Variants in MAP4K3 observed in about 807,000 individuals in gnomAD.
The protein encoded by MAP4K3 is MAPK/ERK kinase kinase kinase 3.
In MAP4K3, 94 loss-of-function variants were observed where a neutral mutation model predicts 143.5. That is an observed-to-expected ratio of 0.65 (90% CI 0.55 to 0.78). The LOEUF is 0.78. MAP4K3 is among the 30% of genes least tolerant of loss of function. MAP4K3 has a pLI of 0.00. For synonymous variants in MAP4K3, 416 were observed against 347.2 expected, an observed-to-expected ratio of 1.20 and a Z score of -2.20; for missense variants, 1,077 against 1,068.1, an observed-to-expected ratio of 1.01 and a Z score of -0.12.
intron 32 of MAP4K3, 41 bp downstream of exon 32, chr2:39,254,409 G>T: frequency 6.7e-7 from 1 of 1,487,094 alleles, no homozygotes; most frequent in South Asian, 1.1e-5. Context: ...AGTGGAATTT[G>T]ATAATGTCTT....
intron 1 of MAP4K3, among the ~76,000 whole-genome samples, chr2:39,379,312 T>C (rs898267639): frequency 2.6e-5 from 4 of 152,094 alleles, no homozygotes; most frequent in African/African-American, 9.7e-5. Flanking sequence ...AGAGATCTCA[T>C]AGAAATTAAT....
chr2:39,397,324 T>C (rs1335932213), intron 1 of MAP4K3, among the ~76,000 whole-genome samples: 1 of 152,158 alleles, frequency 6.6e-6, no homozygotes, highest in Non-Finnish European at 1.5e-5. Flanking sequence ...CAAAGATCAA[T>C]AATCTTCATA....
chr2:39,322,768 C>A (rs988617817), intron 12 of MAP4K3, among the ~76,000 whole-genome samples: 3 of 151,288 alleles, frequency 2.0e-5, no homozygotes, highest in African/African-American at 7.3e-5. Flanking sequence ...CTCCCAGGTT[C>A]AAGCAATTCT....
intron 2 of MAP4K3, among the ~76,000 whole-genome samples, chr2:39,373,298 G>T (rs192533000): frequency 6.6e-6 from 1 of 152,276 alleles, no homozygotes; most frequent in African/African-American, 2.4e-5. Context: ...AAATGCTGGT[G>T]AGAATGTGGA....
At chr2:39,353,746 A>T (rs1194795243) in intron 3 of MAP4K3, among the ~76,000 whole-genome samples, 1 of 140,740 alleles carries the variant, frequency 7.1e-6, no homozygotes, top group South Asian at 2.1e-4. Flanking sequence ...TAGCAGCAGC[A>T]GCAGCAGCAG....
At chr2:39,316,596 C>A (rs1683119778) in intron 12 of MAP4K3, among the ~76,000 whole-genome samples, 1 of 151,952 alleles carries the variant, frequency 6.6e-6, no homozygotes, top group South Asian at 2.1e-4. Context: ...AAAGGGATTG[C>A]CACAAGATTT....
At chr2:39,341,346 C>T (rs537016553) in intron 4 of MAP4K3, among the ~76,000 whole-genome samples, 38 of 152,108 alleles carry the variant, frequency 2.5e-4, no homozygotes, top group African/African-American at 8.7e-4. Context: ...AGGAAGTTTA[C>T]CACTAAAATA....
chr2:39,424,722 T>G (rs748102474), intron 1 of MAP4K3, among the ~76,000 whole-genome samples: 5 of 150,512 alleles, frequency 3.3e-5, no homozygotes, highest in Admixed American at 2.6e-4. Flanking sequence ...CCCAGCTACC[T>G]TGGGAAGCTG....
intron 22 of MAP4K3, among the ~76,000 whole-genome samples, chr2:39,280,578 AAG>A (rs1377433611): frequency 1.6e-4 from 24 of 152,250 alleles, no homozygotes; most frequent in African/African-American, 5.8e-4. Flanking sequence ...ACTTGGAAAA[AAG>A]AGAAAAAAAA....
intron 4 of MAP4K3, among the ~76,000 whole-genome samples, chr2:39,341,721 ATTCACCCAAAT>A (rs1378797039): frequency 6.6e-6 from 1 of 151,980 alleles, no homozygotes; most frequent in Non-Finnish European, 1.5e-5. Flanking sequence ...TAATAGAGAA[ATTCACCCAAAT>A]TCCAACCAAA....
intron 12 of MAP4K3, among the ~76,000 whole-genome samples, chr2:39,318,299 A>G (rs1457522796): frequency 6.6e-6 from 1 of 152,108 alleles, no homozygotes; most frequent in Non-Finnish European, 1.5e-5. Context: ...TAGGCTTATG[A>G]CCTGGGTGAC....
chr2:39,342,470 A>C (rs2148534522), intron 4 of MAP4K3, among the ~76,000 whole-genome samples: 1 of 152,318 alleles, frequency 6.6e-6, no homozygotes, highest in Admixed American at 6.5e-5. Flanking sequence ...TATCTTTTAA[A>C]GACCAATGTA....
chr2:39,391,169 C>G (rs1294447015), intron 1 of MAP4K3, among the ~76,000 whole-genome samples: 1 of 151,598 alleles, frequency 6.6e-6, no homozygotes, highest in Non-Finnish European at 1.5e-5. Context: ...TCCTGGCTAA[C>G]ACAGTGAAAC....
chr2:39,407,992 T>C (rs1249189379), intron 1 of MAP4K3, among the ~76,000 whole-genome samples: 2 of 151,956 alleles, frequency 1.3e-5, no homozygotes. Flanking sequence ...ATAGGCTAAC[T>C]CCATCCACTG....
intron 24 of MAP4K3, among the ~76,000 whole-genome samples, chr2:39,275,211 G>C (rs1244270204): frequency 6.6e-6 from 1 of 152,206 alleles, no homozygotes; most frequent in East Asian, 1.9e-4. Flanking sequence ...TCCTGGCCAG[G>C]CCTGGTGACT....
chr2:39,422,159 G>A (rs751923005), intron 1 of MAP4K3, among the ~76,000 whole-genome samples: 5 of 151,806 alleles, frequency 3.3e-5, no homozygotes, highest in Non-Finnish European at 7.4e-5. Context: ...AAATGCTATG[G>A]TACTAGAAGA....
intron 1 of MAP4K3, among the ~76,000 whole-genome samples, chr2:39,379,476 G>A (rs370516854): frequency 6.6e-6 from 1 of 152,050 alleles, no homozygotes; most frequent in Non-Finnish European, 1.5e-5. Flanking sequence ...AATAGACAGT[G>A]CTGGATACTA....
At chr2:39,388,429 T>TA (rs1185566513) in intron 1 of MAP4K3, among the ~76,000 whole-genome samples, 3 of 152,220 alleles carry the variant, frequency 2.0e-5, no homozygotes, top group Non-Finnish European at 1.5e-5. Context: ...TAAACAGCTT[T>TA]AAAAAATCTG....
intron 1 of MAP4K3, among the ~76,000 whole-genome samples, chr2:39,401,334 T>C (rs1666947643): frequency 6.6e-6 from 1 of 152,026 alleles, no homozygotes; most frequent in African/African-American, 2.4e-5. Flanking sequence ...AGAGAACAAT[T>C]ACCAAAGATT....
Sources: allele counts gnomAD v4.1 joint callset (sites outside exome capture counted in the v4.1 genomes callset), GRCh38; gene constraint gnomAD v4.1.1; transcripts MANE v1.5; gene names NCBI Gene and HGNC (gene_info 2026-07-23, HGNC 2026-07-21).